The following CECR2 variants were observed in gnomAD, a reference collection of about 807,000 sequenced individuals.
CECR2 encodes the protein CECR2 histone acetyl-lysine reader.
In CECR2, 30 loss-of-function variants were observed where a neutral mutation model predicts 154.5. The ratio of observed to expected loss-of-function variants is 0.19; its 90% CI spans 0.15 to 0.26. The LOEUF is 0.26. Ranked by LOEUF, CECR2 falls within the 10% of genes least tolerant of loss-of-function variation. The probability of loss-of-function intolerance (pLI) is 1.00; values close to 1 mark genes in which losing one functional copy is unlikely to be tolerated. For missense variants in CECR2, 1,743 were observed against 1,829.3 expected (o/e 0.95, Z 0.86); for synonymous variants, 725 against 683.7 (o/e 1.06, Z -0.94).
intron 1 of CECR2, among the ~76,000 whole-genome samples, chr22:17,448,156 A>G (rs1317263048): frequency 2.0e-5 from 3 of 152,202 alleles, no homozygotes; most frequent in African/African-American, 7.2e-5. Flanking sequence ...ATGTCAGATA[A>G]TAATCACTAT....
At chr22:17,499,346 C>T (rs1054420907) in intron 3 of CECR2, 64 bp from the exon 4 acceptor site, 1 of 1,558,968 alleles carries the variant, frequency 6.4e-7, no homozygotes, top group Admixed American at 2.0e-5. Context: ...AATCCTCGTT[C>T]TGGTTTTTTC....
At chr22:17,411,239 A>G (rs1260409672) in intron 1 of CECR2, among the ~76,000 whole-genome samples, 2 of 152,226 alleles carry the variant, frequency 1.3e-5, no homozygotes, top group Admixed American at 1.3e-4. Flanking sequence ...ATTTAATTTC[A>G]TATATTTCTA....
chr22:17,454,264 A>G (rs1164898986), intron 1 of CECR2, among the ~76,000 whole-genome samples: 2 of 151,874 alleles, frequency 1.3e-5, no homozygotes, highest in Non-Finnish European at 2.9e-5. Flanking sequence ...GCACCACTGC[A>G]CCCCAGCCTG....
At chr22:17,382,825 A>G (rs146477082) in intron 1 of CECR2, among the ~76,000 whole-genome samples, 197 of 152,280 alleles carry the variant, frequency 1.3e-3, no homozygotes, top group African/African-American at 3.8e-3. Flanking sequence ...GGATCGCTTG[A>G]GTCCAGGAGG....
intron 1 of CECR2, among the ~76,000 whole-genome samples, chr22:17,389,540 G>A (rs964118828): frequency 2.0e-5 from 3 of 151,994 alleles, no homozygotes; most frequent in Non-Finnish European, 4.4e-5. Context: ...TGAACTCCTG[G>A]GCTCAAGCAA....
intron 2 of CECR2, among the ~76,000 whole-genome samples, chr22:17,488,735 G>A (rs2055470178): frequency 6.6e-6 from 1 of 152,192 alleles, no homozygotes; most frequent in African/African-American, 2.4e-5. Flanking sequence ...GTTGCTTCCA[G>A]TTGGAGCCTA....
At chr22:17,421,614 C>CCAAA (rs2054251809) in intron 1 of CECR2, among the ~76,000 whole-genome samples, 1 of 23,362 alleles carries the variant, frequency 4.3e-5, no homozygotes, top group Non-Finnish European at 7.3e-5. Flanking sequence ...GACTCCGTCT[C>CCAAA]AAAAAAAAAA....
At chr22:17,438,114 G>A (rs2054532758) in intron 1 of CECR2, among the ~76,000 whole-genome samples, 1 of 152,174 alleles carries the variant, frequency 6.6e-6, no homozygotes, top group African/African-American at 2.4e-5. Flanking sequence ...TCTTTAGCAA[G>A]CTGAATATTA....
intron 16 of CECR2, among the ~76,000 whole-genome samples, chr22:17,545,710 G>T (rs1194783668): frequency 6.6e-6 from 1 of 151,842 alleles, no homozygotes; most frequent in African/African-American, 2.4e-5. Context: ...GGGAACAGTG[G>T]TGGGTGCCTG....
At chr22:17,376,989 T>C (rs1047745778) in intron 1 of CECR2, among the ~76,000 whole-genome samples, 1 of 152,200 alleles carries the variant, frequency 6.6e-6, no homozygotes, top group Non-Finnish European at 1.5e-5. Flanking sequence ...TGGGCCCACC[T>C]GTCTTTAAGT....
At chr22:17,382,658 A>T (rs1450522476) in intron 1 of CECR2, among the ~76,000 whole-genome samples, 1 of 152,184 alleles carries the variant, frequency 6.6e-6, no homozygotes, top group Non-Finnish European at 1.5e-5. Flanking sequence ...TAATCCCAAC[A>T]CTTTGGGAGG....
intron 1 of CECR2, among the ~76,000 whole-genome samples, chr22:17,373,061 A>C (rs2063079192): frequency 6.6e-6 from 1 of 152,148 alleles, no homozygotes; most frequent in African/African-American, 2.4e-5. Context: ...TGTGTATTAA[A>C]TAAATTTTTT....
In CECR2 at chr22:17,530,544, G is replaced by T. The variant is rs538218719; in HGVS notation, c.1108+6273G>T. On this transcript the variant is annotated intron_variant, in intron 9 of 18. Transcript: ENST00000262608. The stretch of plus-strand genomic sequence containing the variant: ...AAAAAAAAATTAGCCGGGCATGGTG[G>T]CGTGCACCTGTAGTCCCAACTACTC... Among the ~76,000 whole-genome samples the T allele has an allele frequency of 8.7e-4, 133 of 152,108 alleles. 1 individual carries two copies. Among genetic ancestry groups the T allele is most frequent in the African/African-American group, 2.8e-3 (117 of 41,502 alleles).
intron 7 of CECR2, among the ~76,000 whole-genome samples, chr22:17,510,381 G>A (rs112342968): frequency 9.2e-5 from 14 of 152,140 alleles, no homozygotes; most frequent in African/African-American, 3.4e-4. Context: ...AAGGTGGTAC[G>A]ATTGTTTGAG....
intron 1 of CECR2, among the ~76,000 whole-genome samples, chr22:17,364,109 C>T (rs1370713026): frequency 1.3e-5 from 2 of 151,600 alleles, no homozygotes; most frequent in Non-Finnish European, 2.9e-5. Context: ...TTTGGGAGGC[C>T]GAGGCGGGCA....
At chr22:17,374,498 T>A (rs2063095756) in intron 1 of CECR2, among the ~76,000 whole-genome samples, 1 of 152,202 alleles carries the variant, frequency 6.6e-6, no homozygotes, top group Non-Finnish European at 1.5e-5. Context: ...TGCACTTTGC[T>A]GGAGGAGAGG....
At chr22:17,520,493 C>G (rs905618676) in intron 8 of CECR2, among the ~76,000 whole-genome samples, 5 of 151,990 alleles carry the variant, frequency 3.3e-5, no homozygotes, top group African/African-American at 9.7e-5. Context: ...CATAGGTATA[C>G]ATACATGTGC....
At chr22:17,456,012 T>C (rs1398984185) in intron 1 of CECR2, among the ~76,000 whole-genome samples, 1 of 152,200 alleles carries the variant, frequency 6.6e-6, no homozygotes, top group African/African-American at 2.4e-5. Flanking sequence ...CAAAATCATG[T>C]GGGTTGTGAT....
intron 1 of CECR2, among the ~76,000 whole-genome samples, chr22:17,361,995 G>C (rs542227206): frequency 6.3e-4 from 96 of 152,158 alleles, no homozygotes; most frequent in Non-Finnish European, 1.2e-3. Flanking sequence ...ATAGTGGTTA[G>C]GGAATCCTCG....
Sources: allele counts gnomAD v4.1 joint callset (sites outside exome capture counted in the v4.1 genomes callset), GRCh38; gene constraint gnomAD v4.1.1; transcripts MANE v1.5; gene names NCBI Gene and HGNC (gene_info 2026-07-23, HGNC 2026-07-21).